The following OSBPL5 variants were observed in gnomAD, a reference collection of about 807,000 sequenced individuals.
The protein encoded by OSBPL5 is oxysterol-binding protein-related protein 5.
In OSBPL5, 71 loss-of-function variants were observed where a neutral mutation model predicts 111.2. The ratio of observed to expected loss-of-function variants is 0.64; its 90% confidence interval spans 0.53 to 0.78. OSBPL5 has a LOEUF of 0.78. Among genes scored for constraint, OSBPL5 ranks in the 30% least tolerant of loss-of-function variants. The pLI, the probability that OSBPL5 is intolerant of heterozygous loss-of-function variation, is 0.00. For missense variants in OSBPL5, 1,210 were observed against 1,189.3 expected, an observed-to-expected ratio of 1.02 and a Z score of -0.26; for synonymous variants, 549 against 513.9, an observed-to-expected ratio of 1.07 and a Z score of -0.93.
chr11:3,115,331 A>G (rs964945643), intron 7 of OSBPL5, among the ~76,000 whole-genome samples: 7 of 152,180 alleles, frequency 4.6e-5, no homozygotes, highest in African/African-American at 1.4e-4. Flanking sequence ...CCGTCCTTAT[A>G]TCTTCTTGTA....
intron 6 of OSBPL5, 132 bp downstream of exon 6, chr11:3,120,289 A>G: frequency 3.6e-6 from 4 of 1,106,236 alleles, no homozygotes; most frequent in Non-Finnish European, 5.1e-6. Context: ...TGGGGCTCAG[A>G]GAAGGTGAGA....
intron 3 of OSBPL5, among the ~76,000 whole-genome samples, chr11:3,124,269 T>C (rs967664837): frequency 2.6e-5 from 4 of 152,028 alleles, no homozygotes; most frequent in African/African-American, 9.7e-5. Context: ...AGTAAGAGCA[T>C]TCAGGATCAC....
At chr11:3,122,326 C>T (rs759083717) in intron 4 of OSBPL5, 22 bp downstream of exon 4, 1 of 1,608,394 alleles carries the variant, frequency 6.2e-7, no homozygotes, top group Admixed American at 1.7e-5. Context: ...CACTGCTGCA[C>T]CCTCCCCGGG....
intron 14 of OSBPL5, 25 bp downstream of exon 14, chr11:3,100,133 C>G (rs76619732): frequency 6.2e-6 from 10 of 1,606,610 alleles, no homozygotes; most frequent in Admixed American, 1.7e-5. Context: ...GCTCTGCCCT[C>G]GGAGTGTGTG....
chr11:3,119,902 C>T (rs1858344063), intron 6 of OSBPL5: 2 of 494,612 alleles, frequency 4.0e-6, no homozygotes, highest in Non-Finnish European at 7.1e-6. Context: ...CCAGAATCAG[C>T]AAAGGCACAT....
At chr11:3,145,578 G>A (rs553840704) in intron 1 of OSBPL5, among the ~76,000 whole-genome samples, 1 of 152,332 alleles carries the variant, frequency 6.6e-6, no homozygotes, top group East Asian at 1.9e-4. Context: ...GGGAGACATC[G>A]GACCCGGCTG....
chr11:3,123,483 T>C (rs1056066705), intron 3 of OSBPL5, among the ~76,000 whole-genome samples: 7 of 152,280 alleles, frequency 4.6e-5, no homozygotes, highest in Admixed American at 1.3e-4. Context: ...GCTGTTCTCG[T>C]GCTTGGATGG....
chr11:3,093,349 C>T, intron 17 of OSBPL5, 178 bp downstream of exon 17: 2 of 1,046,276 alleles, frequency 1.9e-6, no homozygotes, highest in Admixed American at 2.7e-5. Flanking sequence ...AGGCCACACC[C>T]CTTCCCTCCA....
At chr11:3,149,687 C>T (rs929865499) in intron 1 of OSBPL5, among the ~76,000 whole-genome samples, 8 of 152,198 alleles carry the variant, frequency 5.3e-5, no homozygotes, top group Admixed American at 1.3e-4. Context: ...CAGCACACAG[C>T]GGTGCTCCCC....
chr11:3,090,796 T>A (rs1034372645), intron 19 of OSBPL5, 100 bp from the exon 20 acceptor site: 58 of 1,433,114 alleles, frequency 4.0e-5, no homozygotes, highest in Non-Finnish European at 5.2e-5. Context: ...GTGCTAGAGG[T>A]GGCAGCCAGC....
At position 3,122,429 on chromosome 11, in the gene OSBPL5, C is replaced by T; in HGVS notation, c.220-1G>A. Reference sequence around the variant, plus strand: ...ACCCGTTGCACAGCCTGTACTCTGCCTGAAAGAGAGAGGTGGGTATGCGGG... The same window carrying T: ...ACCCGTTGCACAGCCTGTACTCTGCTTGAAAGAGAGAGGTGGGTATGCGGG... On this transcript the variant is annotated splice_acceptor_variant, in intron 3 of 21. Coordinates refer to ENST00000263650, the MANE Select transcript of OSBPL5 (RefSeq NM_020896.4). LOFTEE classifies it high-confidence loss of function. 1 of 1,613,520 alleles carries T rather than the reference C, an allele frequency of 6.2e-7. No homozygotes were observed. The highest frequency in any genetic ancestry group is 8.5e-7 in the Non-Finnish European group (1 of 1,179,832).
chr11:3,096,961 A>G (rs1857278299), intron 14 of OSBPL5, among the ~76,000 whole-genome samples: 1 of 27,456 alleles, frequency 3.6e-5, no homozygotes, highest in Non-Finnish European at 8.2e-5. Context: ...TGGGAGGAGG[A>G]GAAGAGGAAA....
At chr11:3,089,777 C>T in intron 21 of OSBPL5, 69 bp downstream of exon 21, 1 of 1,455,256 alleles carries the variant, frequency 6.9e-7, no homozygotes, top group Non-Finnish European at 9.4e-7. Flanking sequence ...CCACCTCCCG[C>T]CCTAGCTCTA....
chr11:3,155,247 C>T (rs990420268), intron 1 of OSBPL5, among the ~76,000 whole-genome samples: 31 of 152,186 alleles, frequency 2.0e-4, no homozygotes, highest in Non-Finnish European at 4.3e-4. Context: ...GGCTACAGCA[C>T]CAGCTTCCTT....
chr11:3,148,481 A>G (rs544642654), intron 1 of OSBPL5, among the ~76,000 whole-genome samples: 1 of 152,376 alleles, frequency 6.6e-6, no homozygotes, highest in East Asian at 1.9e-4. Flanking sequence ...CAGAGGTCAC[A>G]GAAGAGAGAG....
At chr11:3,145,629 G>T (rs1846315051) in intron 1 of OSBPL5, among the ~76,000 whole-genome samples, 1 of 152,208 alleles carries the variant, frequency 6.6e-6, no homozygotes, top group Admixed American at 6.5e-5. Context: ...AAGAGCAGGG[G>T]TCTGCGCTGG....
intron 1 of OSBPL5, among the ~76,000 whole-genome samples, chr11:3,160,470 T>C (rs541023809): frequency 6.6e-5 from 10 of 152,260 alleles, no homozygotes; most frequent in Non-Finnish European, 8.8e-5. Context: ...GGCATACAAA[T>C]GCCGTTGCCT....
rs920292168 is a variant in OSBPL5 at position 3,113,825 on chromosome 11, C to A, written c.691+5722G>T. Among the ~76,000 whole-genome samples, 1 of 152,074 alleles carries A rather than the reference C, an allele frequency of 6.6e-6. No individual in the cohort carries two copies. Among genetic ancestry groups the A allele is most frequent in the African/African-American group, 2.4e-5 (1 of 41,426 alleles). On this transcript the variant is annotated intron_variant, in intron 7 of 21. Coordinates refer to ENST00000263650, the MANE Select transcript of OSBPL5 (RefSeq NM_020896.4). This position sits in a 1 kb window ranked among gnomAD's most constrained non-coding sequence, Gnocchi z 4.8. ...TTTCAGGTAAACTATAAACTAAGTT[C>A]CTCCCAAAGTTAGTTTGACCTATGC...
intron 1 of OSBPL5, among the ~76,000 whole-genome samples, chr11:3,160,047 C>T (rs1846908246): frequency 6.6e-6 from 1 of 152,214 alleles, no homozygotes; most frequent in Non-Finnish European, 1.5e-5. Context: ...CCTCCCTGCC[C>T]TGGCCCCACC....
Sources: allele counts gnomAD v4.1 joint callset (sites outside exome capture counted in the v4.1 genomes callset), GRCh38; gene constraint gnomAD v4.1.1; non-coding constraint Gnocchi (gnomAD v3.1); transcripts MANE v1.5; gene names NCBI Gene and HGNC (gene_info 2026-07-23, HGNC 2026-07-21).